The following PCDHA1 variants were observed in gnomAD, a reference collection of about 807,000 sequenced individuals.
PCDHA1 encodes the protein protocadherin alpha-1.
PCDHA1 carries 42 observed loss-of-function variants against 61.3 expected under a neutral mutation model. The ratio of observed to expected loss-of-function variants is 0.69; its 90% CI spans 0.54 to 0.89. PCDHA1 has a LOEUF of 0.89. PCDHA1 is among the 40% of genes least tolerant of loss of function. The pLI is 0.00. For missense variants in PCDHA1, 1,256 were observed against 1,235.3 expected (o/e 1.02, Z -0.25); for synonymous variants, 610 against 553.8 (o/e 1.10, Z -1.43).
At chr5:140,899,222 A>T (rs1377710696) in intron 1 of PCDHA1, among the ~76,000 whole-genome samples, 2 of 152,012 alleles carry the variant, frequency 1.3e-5, no homozygotes, top group Non-Finnish European at 2.9e-5. Context: ...AACTTCCAAC[A>T]CTATGTTGAA....
intron 1 of PCDHA1, chr5:140,869,938 T>TA (rs2051517617): frequency 6.2e-7 from 1 of 1,611,918 alleles, no homozygotes; most frequent in Admixed American, 1.7e-5. Context: ...AGAGGTAACA[T>TA]ACTCCTTAAT....
chr5:140,849,038 C>A, intron 1 of PCDHA1: 2 of 1,575,008 alleles, frequency 1.3e-6, no homozygotes, highest in Non-Finnish European at 1.7e-6. Context: ...TCTTCCTGGA[C>A]GTGCCAACCA....
intron 1 of PCDHA1, chr5:140,928,082 T>C: frequency 1.2e-6 from 2 of 1,614,212 alleles, no homozygotes. Context: ...TACTACAGCC[T>C]GCTGATTGAT....
intron 1 of PCDHA1, among the ~76,000 whole-genome samples, chr5:140,898,923 T>G (rs2067045385): frequency 6.6e-6 from 1 of 152,144 alleles, no homozygotes; most frequent in South Asian, 2.1e-4. Flanking sequence ...GTAAGTTGGA[T>G]TCCTAAGTAT....
At chr5:140,822,293 C>G (rs2150115292) in intron 1 of PCDHA1, 1 of 1,614,164 alleles carries the variant, frequency 6.2e-7, no homozygotes, top group Non-Finnish European at 8.5e-7. Flanking sequence ...AGGTTAAATC[C>G]AAACGAATAT....
intron 3 of PCDHA1, among the ~76,000 whole-genome samples, chr5:140,995,774 G>A (rs2097697505): frequency 1.3e-5 from 2 of 151,968 alleles, no homozygotes; most frequent in Admixed American, 1.3e-4. Context: ...GAGAGTGAAG[G>A]GCAGGTTTAA....
intron 1 of PCDHA1, chr5:140,929,216 A>G: frequency 6.2e-7 from 1 of 1,614,100 alleles, no homozygotes; most frequent in Non-Finnish European, 8.5e-7. Flanking sequence ...CGTGGGGAGT[A>G]CAATGCTGCC....
chr5:140,871,688 G>C lies in PCDHA1; in HGVS notation c.2394+83004G>C, dbSNP rs868933304. On this transcript the variant is annotated intron_variant, in intron 1 of 3. Coordinates refer to ENST00000504120, the MANE Select transcript of PCDHA1 (RefSeq NM_018900.4). ...GTCTTTTAATCATATGAATAATCTG[G>C]CTTCTTTAACCAATAAATGTCCTAT... 1.9e-5 allele frequency: 20 copies of C among 1,060,782 alleles called. No homozygotes were observed. In the African/African-American group the frequency reaches 2.1e-4, roughly 11 times the overall value. The allele number at this position is 1,060,782 out of a possible 1,614,324, so 65.7% of individuals were successfully genotyped here. A position where few individuals can be genotyped will look rare whatever the true frequency, so the allele number is the denominator to read the frequency against.
intron 1 of PCDHA1, among the ~76,000 whole-genome samples, chr5:140,908,266 C>T (rs1281456045): frequency 1.3e-5 from 2 of 152,144 alleles, no homozygotes; most frequent in African/African-American, 4.8e-5. Context: ...AGGGAACTCC[C>T]CATGAGGCCA....
intron 3 of PCDHA1, among the ~76,000 whole-genome samples, chr5:140,995,012 AGG>A (rs1360435760): frequency 6.6e-6 from 1 of 152,218 alleles, no homozygotes; most frequent in Non-Finnish European, 1.5e-5. Context: ...GTTTATATTT[AGG>A]AAAGAAGATT....
At position 140,982,508 on chromosome 5, in the gene PCDHA1, G is replaced by A. The variant is rs1586930589; in HGVS notation, c.2487G>A (p.Arg829=). The change falls in exon 3 of 4, where the codon CGG becomes CGA. Residue 829 remains arginine, a synonymous_variant. Transcript: ENST00000504120. The part of the protein sequence containing the change: ...SVHLEEAGIL[R]AGPGGPDQQW... The stretch of plus-strand genomic sequence containing the variant: ...ACCTAGAGGAGGCTGGCATTCTACG[G>A]GCTGGTCCAGGAGGGCCTGATCAGC... The A allele has an allele frequency of 6.2e-7, 1 of 1,614,154 alleles. No individual in the cohort carries two copies. Among genetic ancestry groups the A allele is most frequent in the Non-Finnish European group, 8.5e-7 (1 of 1,180,018 alleles).
intron 3 of PCDHA1, among the ~76,000 whole-genome samples, chr5:140,984,251 T>C (rs1164028325): frequency 6.6e-6 from 1 of 152,210 alleles, no homozygotes; most frequent in Non-Finnish European, 1.5e-5. Flanking sequence ...GTCGACCTGG[T>C]AAGCCACAAA....
At chr5:140,807,705 G>T in intron 1 of PCDHA1, 2 of 1,614,218 alleles carry the variant, frequency 1.2e-6, no homozygotes, top group Non-Finnish European at 1.7e-6. Context: ...TACAGACTGA[G>T]CCCAAATGAA....
chr5:140,830,329 G>C (rs2150185018), intron 1 of PCDHA1: 1 of 1,614,050 alleles, frequency 6.2e-7, no homozygotes, highest in Non-Finnish European at 8.5e-7. Flanking sequence ...GCGCAGTGGG[G>C]AGCTGGTCGT....
At chr5:140,900,079 C>T (rs1289822790) in intron 1 of PCDHA1, among the ~76,000 whole-genome samples, 11 of 152,066 alleles carry the variant, frequency 7.2e-5, no homozygotes, top group East Asian at 3.9e-4. Context: ...AAAAGTGCTG[C>T]AGTTACAAGC....
intron 1 of PCDHA1, among the ~76,000 whole-genome samples, chr5:140,874,852 A>C (rs2153316930): frequency 6.6e-6 from 1 of 152,334 alleles, no homozygotes; most frequent in African/African-American, 2.4e-5. Context: ...GACATATTTT[A>C]GTTTCTTATC....
At chr5:140,985,974 C>T (rs562510809) in intron 3 of PCDHA1, among the ~76,000 whole-genome samples, 3 of 152,198 alleles carry the variant, frequency 2.0e-5, no homozygotes, top group Admixed American at 1.3e-4. Context: ...CTCCTGACCT[C>T]GTGATCCGCC....
intron 1 of PCDHA1, chr5:140,929,943 A>C (rs996777609): frequency 1.3e-5 from 2 of 152,224 alleles, no homozygotes; most frequent in African/African-American, 4.8e-5. Flanking sequence ...TCTCTAGCCT[A>C]TACTTTTAAT....
At chr5:140,843,783 T>C in intron 1 of PCDHA1, 1 of 1,421,268 alleles carries the variant, frequency 7.0e-7, no homozygotes, top group Admixed American at 2.1e-5. Context: ...TAAAAGTGTT[T>C]CAGATTTAGT....
Sources: gnomAD v4.1 joint callset for allele counts (sites outside exome capture counted in the v4.1 genomes callset) on GRCh38, gnomAD v4.1.1 for gene constraint, MANE v1.5 for transcripts, NCBI Gene and HGNC (gene_info 2026-07-23, HGNC 2026-07-21) for gene names.